STON2: variants seen among roughly 807,000 people sequenced by gnomAD.
The protein encoded by STON2 is stonin-2.
STON2 carries 29 observed loss-of-function variants against 65.7 expected under a neutral mutation model. The observed-to-expected ratio is 0.44, with a 90% confidence interval of 0.33 to 0.60. The LOEUF is 0.60. STON2 is among the 20% of genes least tolerant of loss of function. The pLI is 0.03. For missense variants in STON2, 1,054 were observed against 1,118.1 expected (o/e 0.94, Z 0.82); for synonymous variants, 404 against 414.2 (o/e 0.98, Z 0.30).
intron 5 of STON2, among the ~76,000 whole-genome samples, chr14:81,307,504 A>C (rs756531512): frequency 4.6e-5 from 7 of 152,228 alleles, no homozygotes; most frequent in Non-Finnish European, 8.8e-5. Context: ...TCCAAATGTC[A>C]CTGGCTGGTG....
intron 2 of STON2, among the ~76,000 whole-genome samples, chr14:81,414,535 T>C (rs1201044733): frequency 1.3e-5 from 2 of 151,318 alleles, no homozygotes; most frequent in African/African-American, 4.9e-5. Context: ...GAGTTAGAGG[T>C]CCTGGACCAA....
chr14:81,385,504 A>G (rs1899756541), intron 3 of STON2, among the ~76,000 whole-genome samples: 1 of 152,212 alleles, frequency 6.6e-6, no homozygotes, highest in Non-Finnish European at 1.5e-5. Flanking sequence ...GTGTGGAACA[A>G]TGGGAAATCA....
At chr14:81,350,617 C>T (rs1189107106) in intron 4 of STON2, among the ~76,000 whole-genome samples, 1 of 152,018 alleles carries the variant, frequency 6.6e-6, no homozygotes, top group African/African-American at 2.4e-5. Context: ...GCTCCTAATA[C>T]TTCTAGGCCT....
chr14:81,323,784 A>C (rs752459679), intron 5 of STON2: 9 of 152,158 alleles, frequency 5.9e-5, no homozygotes, highest in Non-Finnish European at 8.8e-5. Flanking sequence ...CATTGTACTA[A>C]CTAGAGGTAA....
intron 5 of STON2, among the ~76,000 whole-genome samples, chr14:81,287,380 AC>A (rs1328645903): frequency 2.0e-5 from 3 of 152,192 alleles, no homozygotes; most frequent in Non-Finnish European, 2.9e-5. Flanking sequence ...TAAATAAAGT[AC>A]CTGGTCAGAG....
chr14:81,297,165 A>C (rs984994514), intron 5 of STON2, among the ~76,000 whole-genome samples: 1 of 152,210 alleles, frequency 6.6e-6, no homozygotes, highest in Non-Finnish European at 1.5e-5. Flanking sequence ...CGCTGCCTCC[A>C]AGACAAGTAG....
In STON2 at chr14:81,265,894, G is replaced by A; in HGVS notation, c.*2520C>T. 1 of 985,280 alleles carries A rather than the reference G, an allele frequency of 1.0e-6. No individual in the cohort carries two copies. Among genetic ancestry groups the A allele is most frequent in the African/African-American group, 1.7e-5 (1 of 57,320 alleles). The allele number at this position is 985,280 out of a possible 1,614,324, so 61.0% of individuals were successfully genotyped here. On this transcript the variant is annotated 3_prime_UTR_variant, in exon 8 of 8. Coordinates refer to ENST00000614646, the MANE Select transcript of STON2 (RefSeq NM_001394390.1). ...GAGATCTTGACAGAGTGCTAAGCGT[G>A]AGTGACTAAGGAAGGTGCTGGGATG...
At chr14:81,330,298 T>C (rs1378187394) in intron 4 of STON2, among the ~76,000 whole-genome samples, 1 of 152,180 alleles carries the variant, frequency 6.6e-6, no homozygotes, top group Non-Finnish European at 1.5e-5. Flanking sequence ...TCTGGATACT[T>C]GTGATGGTAA....
chr14:81,368,982 G>A (rs1313926938), intron 4 of STON2, among the ~76,000 whole-genome samples: 1 of 152,152 alleles, frequency 6.6e-6, no homozygotes, highest in Non-Finnish European at 1.5e-5. Flanking sequence ...TCTGTGGGCT[G>A]CTTCCCCAGG....
intron 5 of STON2, among the ~76,000 whole-genome samples, chr14:81,309,479 T>C (rs1250513583): frequency 6.6e-6 from 1 of 152,188 alleles, no homozygotes; most frequent in East Asian, 1.9e-4. Context: ...TTTACTTAGT[T>C]ATGATAATTT....
In STON2 at chr14:81,264,889, C is replaced by T; in HGVS notation, c.*3525G>A. The T allele has an allele frequency of 1.0e-6, 1 of 985,378 alleles. No homozygotes were observed. The highest frequency in any genetic ancestry group is 1.2e-6 in the Non-Finnish European group (1 of 829,920). 61.0% of individuals were successfully genotyped at this position (985,378 alleles called of 1,614,324 possible). A position where few individuals can be genotyped will look rare whatever the true frequency, so the allele number is the denominator to read the frequency against. On this transcript the variant is annotated 3_prime_UTR_variant, in exon 8 of 8. Coordinates refer to ENST00000614646, the MANE Select transcript of STON2 (RefSeq NM_001394390.1). Reference sequence around the variant, plus strand: ...AAGTGCCTCACATTGTCTTGTCTGACATGTCATGAGTACATTTCTTATCTT... The same window carrying T: ...AAGTGCCTCACATTGTCTTGTCTGATATGTCATGAGTACATTTCTTATCTT...
chr14:81,347,993 C>T (rs989221947), intron 4 of STON2, among the ~76,000 whole-genome samples: 4 of 145,566 alleles, frequency 2.7e-5, no homozygotes, highest in African/African-American at 1.0e-4. Flanking sequence ...GAAATATATA[C>T]ATCACATCCA....
chr14:81,293,209 C>T (rs1210150464), intron 5 of STON2, among the ~76,000 whole-genome samples: 22 of 146,822 alleles, frequency 1.5e-4, no homozygotes, highest in African/African-American at 5.0e-4. Flanking sequence ...GAGTCTCGCT[C>T]CGTCATCAGG....
At chr14:81,293,735 G>C (rs922964525) in intron 5 of STON2, among the ~76,000 whole-genome samples, 1 of 152,096 alleles carries the variant, frequency 6.6e-6, no homozygotes, top group Non-Finnish European at 1.5e-5. Context: ...ACCCTTCCAG[G>C]GGATGAATGA....
intron 5 of STON2, among the ~76,000 whole-genome samples, chr14:81,280,468 C>T (rs114492181): frequency 1.4e-3 from 220 of 152,268 alleles, no homozygotes; most frequent in African/African-American, 5.1e-3. Context: ...TAGGGGATCT[C>T]TGCTACCATC....
intron 4 of STON2, among the ~76,000 whole-genome samples, chr14:81,361,027 A>G (rs1158173995): frequency 6.6e-6 from 1 of 152,192 alleles, no homozygotes; most frequent in African/African-American, 2.4e-5. Context: ...TCTTGTGCTC[A>G]TGGATTAGAA....
At chr14:81,269,854 C>T (rs1411685141) in intron 7 of STON2, 14 of 985,282 alleles carry the variant, frequency 1.4e-5, no homozygotes, top group Non-Finnish European at 1.7e-5. Flanking sequence ...TTTTATGATT[C>T]CTTCCACAGC....
rs774323535 is a variant in STON2 at position 81,277,967 on chromosome 14, C to T, written c.1515G>A (p.Pro505=). ...CAGTGTCTGTCAGTTTGACGAAGAT[C>T]GGTCCCCAGTGCCTGGAGGACATGA... The part of the protein sequence containing the change: ...KNIMSSRHWG[P]IFVKLTDTGY... Residue 505 remains proline (P), a synonymous_variant, in exon 6 of 8, where the codon CCG becomes CCA. Coordinates refer to ENST00000614646, the MANE Select transcript of STON2 (RefSeq NM_001394390.1). 1.2e-5 allele frequency: 20 copies of T among 1,614,064 alleles called. No homozygotes were observed. The highest frequency in any genetic ancestry group is 5.3e-5 in the African/African-American group (4 of 74,924).
intron 5 of STON2, among the ~76,000 whole-genome samples, chr14:81,299,955 T>G (rs1269161126): frequency 6.6e-6 from 1 of 151,876 alleles, no homozygotes; most frequent in Non-Finnish European, 1.5e-5. Context: ...TTAAAAAAAT[T>G]TTTTTGATAG....
Sources: allele counts gnomAD v4.1 joint callset (sites outside exome capture counted in the v4.1 genomes callset), GRCh38; gene constraint gnomAD v4.1.1; transcripts MANE v1.5; gene names NCBI Gene and HGNC (gene_info 2026-07-23, HGNC 2026-07-21).